MAGIX: variants seen among roughly 807,000 people sequenced by gnomAD.
The protein encoded by MAGIX is PDZ domain-containing protein MAGIX.
MAGIX carries 13 observed loss-of-function variants against 10.0 expected under a neutral mutation model. The observed-to-expected ratio is 1.30, with a 90% CI of 0.84 to 2.06. MAGIX has a LOEUF of 2.06. Ranked by LOEUF, MAGIX falls within the 30% of genes most tolerant of loss-of-function variation. The probability of loss-of-function intolerance (pLI) is 0.00; values close to 1 mark genes in which losing one functional copy is unlikely to be tolerated. For synonymous variants in MAGIX, 108 were observed against 106.8 expected, an observed-to-expected ratio of 1.01 and a Z score of -0.07; for missense variants, 235 against 245.2, an observed-to-expected ratio of 0.96 and a Z score of 0.28.
In MAGIX at chrX:49,166,055, C is replaced by G. The variant is rs1569525672; in HGVS notation, c.503-19C>G. The G allele has an allele frequency of 8.3e-7, 1 of 1,198,314 alleles. No individual in the cohort carries two copies. ...CCTGGATTTCCCTTCCCTACTTCAC[C>G]ACCCAATCTAATCCGTAGTCCCGTC... is the stretch of plus-strand genomic sequence containing the variant. On this transcript the variant is annotated intron_variant, in intron 4 of 4. Coordinates refer to ENST00000616266, the Ensembl canonical transcript of MAGIX.
exon 2 of MAGIX, chrX:49,163,792 C>G (rs782676631): frequency 2.9e-6 from 3 of 1,047,985 alleles, no homozygotes; most frequent in African/African-American, 2.0e-5. Context: ...GGCCGCGGCC[C>G]CTCCCCGCTC....
exon 3 of MAGIX, chrX:49,164,881 T>C: frequency 8.3e-7 from 1 of 1,212,016 alleles, no homozygotes. Flanking sequence ...GTTAGAGACA[T>C]GTAACGCACC....
chrX:49,166,343 G>A (rs1557098092), exon 5 of MAGIX: 1 of 1,166,289 alleles, frequency 8.6e-7, no homozygotes. Context: ...GGCCCTAGGG[G>A]TCCGGGGGGC....
chrX:49,164,494 A>G (rs1557097076), intron 2 of MAGIX: 1 of 479,919 alleles, frequency 2.1e-6, no homozygotes, highest in African/African-American at 2.4e-5. Flanking sequence ...AGGATTGTTT[A>G]TTAAGAAGGT....
chrX:49,168,774 C>CAAAA (rs35343968), downstream of MAGIX, among the ~76,000 whole-genome samples: 1 of 16,897 alleles, frequency 5.9e-5, no homozygotes. Context: ...GACCTTATCT[C>CAAAA]AAAAAAAAAA....
exon 5 of MAGIX, chrX:49,166,232 C>T: frequency 8.3e-7 from 1 of 1,207,574 alleles, no homozygotes; most frequent in Non-Finnish European, 1.1e-6. Context: ...CGCCGATGGC[C>T]CCACGGTTTC....
intron 4 of MAGIX, 160 bp downstream of exon 5, chrX:49,165,521 A>G: frequency 2.1e-6 from 1 of 480,757 alleles, no homozygotes; most frequent in Non-Finnish European, 3.4e-6. Context: ...AGGGAGGGGT[A>G]CAGGGTCCCA....
intron 1 of MAGIX, 48 bp from the exon 2 acceptor site, chrX:49,163,735 T>C: frequency 3.0e-6 from 3 of 993,661 alleles, no homozygotes; most frequent in Non-Finnish European, 3.8e-6. Flanking sequence ...AGCATAGGGG[T>C]TGGCCGAGGC....
rs2065347956 is a variant in MAGIX at position 49,163,948 on chromosome X, G to A, written c.-55+19G>A. 2.0e-6 allele frequency: 2 copies of A among 1,008,730 alleles called. No individual in the cohort carries two copies. The highest frequency in any genetic ancestry group is 2.5e-6 in the Non-Finnish European group (2 of 793,621). The allele number at this position is 1,008,730 out of a possible 1,213,427, so 83.1% of individuals were successfully genotyped here. On this transcript the variant is annotated intron_variant, in intron 2 of 4. Transcript: ENST00000616266. ...AAGGAGGGTGAGTGACTGGCGCAGG[G>A]CCTCCGCTGGGGGAGGGTTCGGAGA...
chrX:49,168,726 A>G (rs1258498265), downstream of MAGIX, among the ~76,000 whole-genome samples: 1 of 90,843 alleles, frequency 1.1e-5, no homozygotes, highest in Non-Finnish European at 2.1e-5. Context: ...GCAGTGAGCC[A>G]TGATTGCACC....
chrX:49,164,743 C>T lies in MAGIX; in HGVS notation c.-18C>T, dbSNP rs782749954. ...CTGGACTCTGCGGACATAGAGGTCA[C>T]AGACAGTCGCCTGCCTCATGCCACT... On this transcript the variant is annotated 5_prime_UTR_variant, in exon 3 of 5. Transcript: ENST00000616266. 8.3e-6 allele frequency: 10 copies of T among 1,210,504 alleles called. No homozygotes were observed. In the East Asian group the frequency reaches 2.7e-4, roughly 32 times the overall value.
rs782242586 is a variant in MAGIX at position 49,165,372 on chromosome X, C to T, written c.502+11C>T. On this transcript the variant is annotated intron_variant, in intron 4 of 4. Transcript: ENST00000616266. Reference sequence around the variant, plus strand: ...CCCGAAAAGGAGTTGGTGGGTTTCCCAAGGGAGAGAAGTCAGAGATCAGTG... The same window carrying T: ...CCCGAAAAGGAGTTGGTGGGTTTCCTAAGGGAGAGAAGTCAGAGATCAGTG... 5.0e-5 allele frequency: 57 copies of T among 1,143,594 alleles called. No individual in the cohort carries two copies. The East Asian group carries it at 1.0e-3, about 21-fold the overall frequency. The allele number at this position is 1,143,594 out of a possible 1,213,427, so 94.2% of individuals were successfully genotyped here.
chrX:49,165,038 C>T (rs782448595), exon 3 of MAGIX: 12 of 1,208,484 alleles, frequency 9.9e-6, no homozygotes, highest in Non-Finnish European at 1.3e-5. Flanking sequence ...ACTCCGCTGG[C>T]CGTGCGCGGG....
At chrX:49,166,599 T>TG in exon 5 of MAGIX, 2 of 410,819 alleles carry the variant, frequency 4.9e-6, no homozygotes, top group Non-Finnish European at 8.3e-6. Context: ...CTTCTGGTTC[T>TG]GGGAGGGGGA....
At chrX:49,163,884 C>T (rs1232777546) in exon 2 of MAGIX, 3 of 1,032,788 alleles carry the variant, frequency 2.9e-6, no homozygotes, top group Admixed American at 5.4e-5. Context: ...CGTGGCAGCG[C>T]TGGTACGCAG....
exon 4 of MAGIX, chrX:49,165,288 C>T (rs367797587): frequency 7.4e-5 from 88 of 1,181,322 alleles, no homozygotes; most frequent in Non-Finnish European, 9.9e-5. Context: ...CCCAGCTCCA[C>T]CTGGTTATTC....
chrX:49,165,610 G>T (rs984880944), intron 4 of MAGIX: 1 of 380,373 alleles, frequency 2.6e-6, no homozygotes, highest in Non-Finnish European at 4.5e-6. Flanking sequence ...TCCAGGTACT[G>T]GGGGAAGAGA....
At chrX:49,163,956 TG>T (rs1557096937) in intron 2 of MAGIX, 27 bp downstream of exon 2, 2 of 999,185 alleles carry the variant, frequency 2.0e-6, no homozygotes, top group Non-Finnish European at 1.3e-6. Context: ...GGGCCTCCGC[TG>T]GGGGAGGGTT....
chrX:49,166,322 C>T (rs2065367341), exon 5 of MAGIX: 7 of 1,172,624 alleles, frequency 6.0e-6, no homozygotes, highest in South Asian at 3.8e-5. Flanking sequence ...CAGCGAGGAA[C>T]GGCTCTCGCG....
Sources: gnomAD v4.1 joint callset for allele counts (sites outside exome capture counted in the v4.1 genomes callset) on GRCh38, gnomAD v4.1.1 for gene constraint, MANE v1.5 for transcripts, NCBI Gene and HGNC (gene_info 2026-07-23, HGNC 2026-07-21) for gene names.